The following PIWIL4 variants were observed in gnomAD, a reference collection of about 807,000 sequenced individuals.
PIWIL4 encodes piwi like RNA-mediated gene silencing 4, also known as piwi-like protein 4.
In PIWIL4, 50 loss-of-function variants were observed where a neutral mutation model predicts 100.9. That is an observed-to-expected ratio of 0.50 (90% CI 0.39 to 0.63). The LOEUF (loss-of-function observed/expected upper bound fraction) is 0.63, where lower values mean the gene tolerates loss of function less well. PIWIL4 is among the 20% of genes least tolerant of loss of function. The pLI is 0.00. For synonymous variants in PIWIL4, 342 were observed against 367.5 expected (o/e 0.93, Z 0.79); for missense variants, 887 against 1,043.3 (o/e 0.85, Z 2.06).
chr11:94,610,638 T>A (rs1366405214), intron 15 of PIWIL4, among the ~76,000 whole-genome samples: 1 of 152,194 alleles, frequency 6.6e-6, no homozygotes, highest in African/African-American at 2.4e-5. Flanking sequence ...CATTTATATG[T>A]CATCTTTGGA....
intron 4 of PIWIL4, 87 bp downstream of exon 4, chr11:94,577,579 G>A: frequency 2.9e-6 from 3 of 1,021,544 alleles, no homozygotes; most frequent in East Asian, 5.2e-5. Flanking sequence ...GCATATGCAA[G>A]GAGATTCCAA....
chr11:94,606,652 G>C (rs1010779369), intron 13 of PIWIL4, among the ~76,000 whole-genome samples: 5 of 152,102 alleles, frequency 3.3e-5, no homozygotes, highest in African/African-American at 9.7e-5. Context: ...GGCCAACATA[G>C]TGAAACCCCG....
intron 11 of PIWIL4, among the ~76,000 whole-genome samples, chr11:94,601,307 G>T (rs148592566): frequency 2.4e-4 from 37 of 152,054 alleles, no homozygotes; most frequent in Non-Finnish European, 4.0e-4. Flanking sequence ...CAGTCCCTCC[G>T]TTTGGGGTCC....
At chr11:94,580,411 C>T (rs1339947624) in intron 4 of PIWIL4, among the ~76,000 whole-genome samples, 2 of 152,078 alleles carry the variant, frequency 1.3e-5, no homozygotes, top group African/African-American at 4.8e-5. Context: ...CAATGAACTC[C>T]TAGGAGTTCC....
chr11:94,568,844 C>A, intron 2 of PIWIL4, 36 bp downstream of exon 2: 1 of 1,543,138 alleles, frequency 6.5e-7, no homozygotes, highest in East Asian at 2.2e-5. Flanking sequence ...TAGTACCATT[C>A]AACCTGAATG....
chr11:94,614,898 C>G (rs551136286), intron 15 of PIWIL4, among the ~76,000 whole-genome samples: 3 of 152,162 alleles, frequency 2.0e-5, no homozygotes, highest in Non-Finnish European at 4.4e-5. Context: ...GGGTGGTGCC[C>G]TGAAATGCTC....
At chr11:94,616,712 C>A in intron 16 of PIWIL4, 149 bp downstream of exon 16, 1 of 596,714 alleles carries the variant, frequency 1.7e-6, no homozygotes, top group Non-Finnish European at 2.9e-6. Flanking sequence ...TCTGAAGCTG[C>A]ATGCCGATTT....
chr11:94,587,501 C>T (rs1948418427), intron 7 of PIWIL4, among the ~76,000 whole-genome samples: 1 of 152,196 alleles, frequency 6.6e-6, no homozygotes, highest in Non-Finnish European at 1.5e-5. Context: ...TAACCCCCAG[C>T]GGTCTGCACT....
chr11:94,595,581 A>G (rs1948546574), intron 10 of PIWIL4, among the ~76,000 whole-genome samples, 155 bp downstream of exon 10: 1 of 152,234 alleles, frequency 6.6e-6, no homozygotes, highest in South Asian at 2.1e-4. Flanking sequence ...TTCATCTGAG[A>G]TGTCTCAGGA....
Position 94,589,246 on chromosome 11 carries a change from T to C in PIWIL4, c.1026+14T>C. The C allele has an allele frequency of 1.9e-6, 3 of 1,545,942 alleles. No individual in the cohort carries two copies. Among genetic ancestry groups the C allele is most frequent in the Non-Finnish European group, 2.7e-6 (3 of 1,118,598 alleles). On this transcript the variant is annotated intron_variant, in intron 8 of 19. Coordinates refer to ENST00000299001, the MANE Select transcript of PIWIL4 (RefSeq NM_152431.3). Reference sequence around the variant, plus strand: ...TACTACAAGCAGGTAGGACTTTTCTTCATGCATCTCTATCTCCTTTTCTTT... The same window carrying C: ...TACTACAAGCAGGTAGGACTTTTCTCCATGCATCTCTATCTCCTTTTCTTT...
At position 94,608,579 on chromosome 11, in the gene PIWIL4, AT is replaced by A. The variant is rs775289680; in HGVS notation, c.1840-3del. 8 of 1,611,950 alleles carry A rather than the reference AT, an allele frequency of 5.0e-6. No homozygotes were observed. The highest frequency in any genetic ancestry group is 1.7e-4 in the Middle Eastern group (1 of 6,056). On this transcript the variant is annotated splice_region_variant and splice_polypyrimidine_tract_variant and intron_variant, in intron 14 of 19. Transcript: ENST00000299001. ...ATTAAATCATGACAAATTTAATTTT[AT>A]AGTTAAAGTCCCTGATGGTGGTCGG...
Position 94,587,188 on chromosome 11 carries a change from CTTGTCCTGT to C in PIWIL4, c.858_866del (p.Leu286_Cys288del). The C allele has an allele frequency of 1.2e-6, 2 of 1,614,184 alleles. No homozygotes were observed. Among genetic ancestry groups the C allele is most frequent in the Non-Finnish European group, 8.5e-7 (1 of 1,180,030 alleles). On this transcript the variant is annotated inframe_deletion, in exon 7 of 20. Transcript: ENST00000299001. ...TGACTGCTCTCTGTCAAAGAACTGG[CTTGTCCTGT>C]TTCACCCAGACGTGTGAGAAGCAGC...
chr11:94,615,322 T>C (rs933327754), intron 15 of PIWIL4, among the ~76,000 whole-genome samples: 6 of 152,204 alleles, frequency 3.9e-5, no homozygotes, highest in Non-Finnish European at 7.3e-5. Flanking sequence ...CATGGGCTGA[T>C]GTGATCTGTC....
At position 94,590,328 on chromosome 11, in the gene PIWIL4, G is replaced by T. The variant is rs1038520225; in HGVS notation, c.1026+1096G>T. 1.6e-4 allele frequency among the ~76,000 whole-genome samples: 24 copies of T among 152,266 alleles called. 1 individual carries two copies. Among genetic ancestry groups the T allele is most frequent in the Admixed American group, 7.2e-4 (11 of 15,304 alleles). ...GTGACCTCTCCCACCGGCTGGAACTGATCTCTTCCTTCCTTGACTCCTGGG... is the reference window on the plus strand; with the variant it reads ...GTGACCTCTCCCACCGGCTGGAACTTATCTCTTCCTTCCTTGACTCCTGGG... On this transcript the variant is annotated intron_variant, in intron 8 of 19. Transcript: ENST00000299001.
At chr11:94,609,633 C>A in intron 15 of PIWIL4, among the ~76,000 whole-genome samples, 1 of 151,852 alleles carries the variant, frequency 6.6e-6, no homozygotes, top group East Asian at 1.9e-4. Flanking sequence ...TCATTTTTTT[C>A]TTTGTATATC....
rs764939506 is a variant in PIWIL4, at chr11:94,595,387, G to A, written c.1229G>A (p.Arg410Gln). The change falls in exon 10 of 20, where the codon CGG becomes CAG. Residue 410 changes from arginine to glutamine, a missense_variant. Around this residue, in one of 2 missense-constraint regions of PIWIL4, gnomAD observed 741 missense variants for 930.0 expected, o/e 0.80. Transcript: ENST00000299001. ...AEKTRLSPSG[R>Q]QQRLARLVDN... Reference sequence around the variant, plus strand: ...AAGACACGTCTCAGTCCTTCAGGCCGGCAGCAGCGCCTGGCCAGGCTTGTG... The same window carrying A: ...AAGACACGTCTCAGTCCTTCAGGCCAGCAGCAGCGCCTGGCCAGGCTTGTG... The A allele has an allele frequency of 2.1e-5, 34 of 1,613,754 alleles. No homozygotes were observed. The highest frequency in any genetic ancestry group is 1.6e-4 in the South Asian group (15 of 91,066).
Position 94,606,856 on chromosome 11 carries a change from G to T in PIWIL4, c.1639-583G>T, listed in dbSNP as rs372646479. On this transcript the variant is annotated intron_variant, in intron 13 of 19. Coordinates refer to ENST00000299001, the MANE Select transcript of PIWIL4 (RefSeq NM_152431.3). ...CTCAAAAAAAAAAAAAAAGCCAGGG[G>T]ACTTGAAACTTCTCTATCCACCCCC... Among the ~76,000 whole-genome samples, 58 of 151,486 alleles carry T rather than the reference G, an allele frequency of 3.8e-4. No individual in the cohort carries two copies. The East Asian group carries it at 7.0e-3, about 18-fold the overall frequency.
chr11:94,606,196 T>G (rs1948713859), intron 13 of PIWIL4, among the ~76,000 whole-genome samples: 2 of 152,190 alleles, frequency 1.3e-5, no homozygotes, highest in African/African-American at 2.4e-5. Context: ...CCAGTCTCAC[T>G]CGGCTCCCAT....
At chr11:94,617,095 G>A (rs962436621) in intron 16 of PIWIL4, among the ~76,000 whole-genome samples, 1 of 152,120 alleles carries the variant, frequency 6.6e-6, no homozygotes, top group Non-Finnish European at 1.5e-5. Flanking sequence ...AGTGTGACTT[G>A]TACAAACCCT....
Sources: allele counts gnomAD v4.1 joint callset (sites outside exome capture counted in the v4.1 genomes callset), GRCh38; gene constraint gnomAD v4.1.1; regional missense constraint gnomAD v4.1.1; transcripts MANE v1.5; gene names NCBI Gene and HGNC (gene_info 2026-07-23, HGNC 2026-07-21).